SON: variants seen among roughly 807,000 people sequenced by gnomAD.
SON encodes the protein SON DNA and RNA binding protein.
A neutral mutation model predicts 173.3 loss-of-function variants in SON; 4 were observed. The ratio of observed to expected loss-of-function variants is 0.02; its 90% CI spans 0.01 to 0.05. SON has a LOEUF of 0.05. Among genes scored for constraint, SON ranks in the 10% least tolerant of loss-of-function variants. The probability of loss-of-function intolerance (pLI) is 1.00; values close to 1 mark genes in which losing one functional copy is unlikely to be tolerated. For synonymous variants in SON, 1,190 were observed against 1,105.9 expected (o/e 1.08, Z -1.51); for missense variants, 2,626 against 3,055.3 (o/e 0.86, Z 3.31).
At position 33,553,219 on chromosome 21, in the gene SON, T is replaced by C. The variant is rs903977986; in HGVS notation, c.3988T>C (p.Leu1330=). Residue 1330 remains leucine, a synonymous_variant, in exon 3 of 12, where the codon TTG becomes CTG. Transcript: ENST00000356577. ...TGCCTCAGAAGTATCTACATCCTTG[T>C]TGGTTCCAGCAGTAACTACTCCAGT... ...HVASEVSTSL[L]VPAVTTPVLA... is the part of the protein sequence containing the mutation. 1.9e-6 allele frequency: 3 copies of C among 1,614,078 alleles called. No individual in the cohort carries two copies. The highest frequency in any genetic ancestry group is 2.2e-5 in the East Asian group (1 of 44,902).
At chr21:33,556,813 A>G (rs957862367) in intron 3 of SON, among the ~76,000 whole-genome samples, 1 of 151,742 alleles carries the variant, frequency 6.6e-6, no homozygotes. Flanking sequence ...GAAATGAAAT[A>G]GGCTTTGGCA....
chr21:33,569,641 A>G (rs1421472199), intron 8 of SON: 1 of 458,508 alleles, frequency 2.2e-6, no homozygotes. Context: ...CTGTAGCCCC[A>G]GGACCTTTTG....
In SON at chr21:33,549,943, A is replaced by G. The variant is rs765193644; in HGVS notation, c.712A>G (p.Met238Val). ...QSVAVMPEPS[M>V]TKILDSFAAA... is the part of the protein sequence containing the mutation. ...TGTGGCAGTAATGCCAGAACCATCCATGACAAAGATTCTGGATTCCTTTGC... is the reference window on the plus strand; with the variant it reads ...TGTGGCAGTAATGCCAGAACCATCCGTGACAAAGATTCTGGATTCCTTTGC... Residue 238 changes from methionine to valine, a missense_variant, in exon 3 of 12, where the codon ATG (methionine) becomes GTG (valine). By Grantham distance (21) the Met-to-Val change is conservative. Around this residue, in one of 13 missense-constraint regions of SON, gnomAD observed 757 missense variants for 730.1 expected, o/e 1.04. Coordinates refer to ENST00000356577, the MANE Select transcript of SON (RefSeq NM_138927.4). The G allele has an allele frequency of 6.2e-7, 1 of 1,614,084 alleles. No homozygotes were observed. Among genetic ancestry groups the G allele is most frequent in the Admixed American group, 1.7e-5 (1 of 60,010 alleles).
chr21:33,556,527 A>T (rs779621847), intron 3 of SON, among the ~76,000 whole-genome samples: 1 of 152,110 alleles, frequency 6.6e-6, no homozygotes, highest in Non-Finnish European at 1.5e-5. Flanking sequence ...AGCCTGGCCA[A>T]TGTGGAGAAA....
At chr21:33,568,276 T>A (rs1202672996) in intron 7 of SON, among the ~76,000 whole-genome samples, 1 of 152,122 alleles carries the variant, frequency 6.6e-6, no homozygotes, top group Non-Finnish European at 1.5e-5. Flanking sequence ...GCGGATCAGT[T>A]GAGGTCAGGA....
At chr21:33,575,946 G>C in intron 11 of SON, 53 bp downstream of exon 11, 1 of 860,726 alleles carries the variant, frequency 1.2e-6, no homozygotes, top group Non-Finnish European at 1.8e-6. Context: ...TGATGACTTA[G>C]AGGGTGAGGG....
In SON at chr21:33,575,619, G is replaced by A. The variant is rs1438514721; in HGVS notation, c.7057G>A (p.Ala2353Thr). 6.2e-7 allele frequency: 1 copy of A among 1,611,574 alleles called. No individual in the cohort carries two copies. Among genetic ancestry groups the A allele is most frequent in the Admixed American group, 1.7e-5 (1 of 59,490 alleles). Residue 2353 changes from alanine (A) to threonine (T), a missense_variant, in exon 10 of 12, where the codon GCA becomes ACA. Transcript: ENST00000356577. The stretch of plus-strand genomic sequence containing the variant: ...AGGTCTTGTTGCAGTAGGAGAAAGA[G>A]CACAAAAGAGGTCTGGGAACTTCTC... ...RKGLVAVGER[A>T]QKRSGNFSAA...
At position 33,554,639 on chromosome 21, in the gene SON, G is replaced by A. The variant is rs779267364; in HGVS notation, c.5408G>A (p.Ser1803Asn). 2 of 1,612,982 alleles carry A rather than the reference G, an allele frequency of 1.2e-6. No individual in the cohort carries two copies. Among genetic ancestry groups the A allele is most frequent in the Non-Finnish European group, 1.7e-6 (2 of 1,179,804 alleles). Residue 1803 changes from serine to asparagine, a missense_variant, in exon 3 of 12, where the codon AGC becomes AAC. Physicochemically the swap from Ser to Asn is conservative, Grantham distance 46. Coordinates refer to ENST00000356577, the MANE Select transcript of SON (RefSeq NM_138927.4). Reference sequence around the variant, plus strand: ...AAAGTTAAGGACACTCACGAAAAAAGCAAGAAAAATAAGAACCGTGATAAG... The same window carrying A: ...AAAGTTAAGGACACTCACGAAAAAAACAAGAAAAATAAGAACCGTGATAAG... ...FVKVKDTHEK[S>N]KKNKNRDKGE...
intron 6 of SON, among the ~76,000 whole-genome samples, chr21:33,563,697 T>C (rs894818506): frequency 8.5e-5 from 13 of 152,156 alleles, no homozygotes; most frequent in East Asian, 1.9e-4. Context: ...AAGGAGTAAA[T>C]GGATTTAGAA....
intron 7 of SON, 27 bp downstream of exon 7, chr21:33,567,294 T>A (rs772276672): frequency 5.3e-6 from 7 of 1,320,956 alleles, no homozygotes; most frequent in Non-Finnish European, 6.6e-6. Flanking sequence ...TAAAAAAAAT[T>A]ATTATTTACC....
chr21:33,544,954 T>TA (rs2085580759), intron 1 of SON, among the ~76,000 whole-genome samples: 1 of 152,218 alleles, frequency 6.6e-6, no homozygotes, highest in South Asian at 2.1e-4. Flanking sequence ...CTTCAACACA[T>TA]AATGCGTTAT....
intron 1 of SON, among the ~76,000 whole-genome samples, chr21:33,543,651 T>TG (rs1163903195): frequency 1.3e-5 from 2 of 152,216 alleles, no homozygotes; most frequent in Non-Finnish European, 2.9e-5. Context: ...TCAGACCGCT[T>TG]GGGGGTCTGG....
Position 33,550,339 on chromosome 21 carries a change from T to C in SON, c.1108T>C (p.Leu370=). ...GCCGGAGCTGCCTAAGACCACAGCG[T>C]TGGAGCTGCAGGAGTCGTCGGTGGC... The part of the protein sequence containing the change: ...ELPELPKTTA[L]ELQESSVASA... The change falls in exon 3 of 12, where the codon TTG becomes CTG. Residue 370 remains leucine, a synonymous_variant. Transcript: ENST00000356577. 6 of 1,613,744 alleles carry C rather than the reference T, an allele frequency of 3.7e-6. No homozygotes were observed. The South Asian group carries it at 5.5e-5, about 15-fold the overall frequency.
At chr21:33,543,375 C>T (rs2085510671) in intron 1 of SON, 8 of 601,778 alleles carry the variant, frequency 1.3e-5, no homozygotes, top group Non-Finnish European at 2.1e-5. Flanking sequence ...TCGCCTTTTC[C>T]GAGGTAACCC....
chr21:33,551,372 A>T lies in SON; in HGVS notation c.2141A>T (p.His714Leu). The stretch of plus-strand genomic sequence containing the variant: ...GATCCCTTGATGGCCCCAGAATCCC[A>T]TATATTAGCTTCTAACACCATGGAG... Reference protein sequence around the residue: ...GVDPLMAPESHILASNTMETH... With the variant: ...GVDPLMAPESLILASNTMETH... Residue 714 changes from histidine (H) to leucine (L), a missense_variant, in exon 3 of 12, where the codon CAT (histidine) becomes CTT (leucine). This residue lies in a region of SON where 182 missense variants were observed against 193.6 expected (regional missense o/e 0.94). Transcript: ENST00000356577. 1 of 1,614,104 alleles carries T rather than the reference A, an allele frequency of 6.2e-7. No individual in the cohort carries two copies. Among genetic ancestry groups the T allele is most frequent in the Non-Finnish European group, 8.5e-7 (1 of 1,179,978 alleles).
chr21:33,567,311 C>A, intron 7 of SON, 44 bp downstream of exon 7: 1 of 1,052,858 alleles, frequency 9.5e-7, no homozygotes, highest in South Asian at 1.3e-5. Flanking sequence ...TACCATCAGC[C>A]AACTCACACC....
At chr21:33,548,985 G>C (rs763078767) in intron 2 of SON, among the ~76,000 whole-genome samples, 9 of 152,034 alleles carry the variant, frequency 5.9e-5, no homozygotes, top group Admixed American at 1.3e-4. Context: ...GTTGTGGAAA[G>C]AATTATCAGA....
Position 33,553,131 on chromosome 21 carries a change from A to G in SON, c.3900A>G (p.Ser1300=), listed in dbSNP as rs758403175. ...CAGCTGAACCAACTGTGTTAGCATC[A>G]GAGCCTCCTGTTATGTCAGAGACAG... The part of the protein sequence containing the change: ...AMSAEPTVLA[S]EPPVMSETAE... The change falls in exon 3 of 12, where the codon TCA becomes TCG. Residue 1300 remains serine (S), a synonymous_variant. Coordinates refer to ENST00000356577, the MANE Select transcript of SON (RefSeq NM_138927.4). 1.2e-6 allele frequency: 2 copies of G among 1,614,208 alleles called. No homozygotes were observed. Among genetic ancestry groups the G allele is most frequent in the Non-Finnish European group, 1.7e-6 (2 of 1,180,038 alleles).
At chr21:33,563,109 G>C (rs2086098268) in intron 6 of SON, among the ~76,000 whole-genome samples, 2 of 152,044 alleles carry the variant, frequency 1.3e-5, no homozygotes, top group Admixed American at 1.3e-4. Context: ...ATTTTAATTG[G>C]AAATTAAACA....
Sources: allele counts gnomAD v4.1 joint callset (sites outside exome capture counted in the v4.1 genomes callset), GRCh38; gene constraint gnomAD v4.1.1; regional missense constraint gnomAD v4.1.1; transcripts MANE v1.5; gene names NCBI Gene and HGNC (gene_info 2026-07-23, HGNC 2026-07-21).